Variants in DPY19L3 observed in about 807,000 individuals in gnomAD.
The protein encoded by DPY19L3 is protein C-mannosyl-transferase DPY19L3.
In DPY19L3, 51 loss-of-function variants were observed where a neutral mutation model predicts 92.3. That is an observed-to-expected ratio of 0.55 (90% CI 0.44 to 0.70). DPY19L3 has a LOEUF of 0.70. Ranked by LOEUF, DPY19L3 falls within the 30% of genes least tolerant of loss-of-function variation. DPY19L3 has a pLI of 0.00. For synonymous variants in DPY19L3, 309 were observed against 315.2 expected, an observed-to-expected ratio of 0.98 and a Z score of 0.21; for missense variants, 706 against 855.9, an observed-to-expected ratio of 0.82 and a Z score of 2.18.
chr19:32,430,534 TAAA>T (rs954472342), intron 3 of DPY19L3, among the ~76,000 whole-genome samples: 3 of 152,130 alleles, frequency 2.0e-5, no homozygotes, highest in African/African-American at 7.2e-5. Context: ...CAAACAATGA[TAAA>T]AAGATTTAGA....
At position 32,463,945 on chromosome 19, in the gene DPY19L3, C is replaced by A; in HGVS notation, c.1522C>A (p.Leu508Ile). The part of the protein sequence containing the change: ...GLCSPEIWEL[L>I]LKSVHLYNPK... ...ATGTAGCCCTGAAATATGGGAGTTA[C>A]TTCTGAAGTCAGTCCATCTTTATAA... The change falls in exon 14 of 19, where the codon CTT becomes ATT. Residue 508 changes from leucine (L) to isoleucine (I), a missense_variant. Coordinates refer to ENST00000392250, the MANE Select transcript of DPY19L3 (RefSeq NM_001172774.2). 6.2e-7 allele frequency: 1 copy of A among 1,613,202 alleles called. No individual in the cohort carries two copies. The highest frequency in any genetic ancestry group is 8.5e-7 in the Non-Finnish European group (1 of 1,179,372).
chr19:32,420,094 A>G (rs1968518427), intron 3 of DPY19L3, among the ~76,000 whole-genome samples: 1 of 151,462 alleles, frequency 6.6e-6, no homozygotes, highest in South Asian at 2.1e-4. Flanking sequence ...TCTTGACCTC[A>G]TGATCCGCCC....
intron 3 of DPY19L3, among the ~76,000 whole-genome samples, chr19:32,423,364 T>A (rs1381532112): frequency 6.6e-6 from 1 of 150,604 alleles, no homozygotes; most frequent in Non-Finnish European, 1.5e-5. Flanking sequence ...GCCTCCCCAG[T>A]ACTTGGGATT....
Position 32,411,224 on chromosome 19 carries a change from C to T in DPY19L3, c.104-15C>T, listed in dbSNP as rs776205562. ...TTACTGACTTAGTTATTTATCTGTT[C>T]CATTTTTCCAAAAGGTTGTACCAGT... On this transcript the variant is annotated splice_polypyrimidine_tract_variant and intron_variant, in intron 2 of 18. Coordinates refer to ENST00000392250, the MANE Select transcript of DPY19L3 (RefSeq NM_001172774.2). 4 of 1,599,910 alleles carry T rather than the reference C, an allele frequency of 2.5e-6. No individual in the cohort carries two copies. The African/African-American group carries it at 4.1e-5, about 16-fold the overall frequency.
At chr19:32,414,886 T>C (rs1471436317) in intron 3 of DPY19L3, among the ~76,000 whole-genome samples, 2 of 152,232 alleles carry the variant, frequency 1.3e-5, no homozygotes, top group Non-Finnish European at 2.9e-5. Context: ...TTTTTCTCTC[T>C]TTACTTTCAC....
chr19:32,430,416 G>A (rs756487644), intron 3 of DPY19L3, among the ~76,000 whole-genome samples: 5 of 151,926 alleles, frequency 3.3e-5, no homozygotes, highest in Non-Finnish European at 7.4e-5. Context: ...AACCTGATGG[G>A]CCTTTTTTTA....
intron 17 of DPY19L3, among the ~76,000 whole-genome samples, chr19:32,477,959 A>T (rs1970561485): frequency 6.6e-6 from 1 of 152,140 alleles, no homozygotes; most frequent in African/African-American, 2.4e-5. Context: ...TTGTGCAGGG[A>T]AACTCCCCCT....
chr19:32,477,570 G>T lies in DPY19L3; in HGVS notation c.1746G>T (p.Leu582=), dbSNP rs1258542799. The stretch of plus-strand genomic sequence containing the variant: ...TGTTTGCGGGAAGCATGCAGTTGCT[G>T]GCCGGAGTCAAGCTGTGCACGGGAA... The part of the protein sequence containing the change: ...KAVFAGSMQL[L]AGVKLCTGRT... Residue 582 remains leucine (L), a synonymous_variant, in exon 17 of 19, where the codon CTG becomes CTT. Coordinates refer to ENST00000392250, the MANE Select transcript of DPY19L3 (RefSeq NM_001172774.2). 8 of 1,614,032 alleles carry T rather than the reference G, an allele frequency of 5.0e-6. No homozygotes were observed. Among genetic ancestry groups the T allele is most frequent in the Non-Finnish European group, 6.8e-6 (8 of 1,180,036 alleles).
rs1448849892 is a variant in DPY19L3 at position 32,437,087 on chromosome 19, A to C, written c.451-107A>C. Reference sequence around the variant, plus strand: ...AAGGGGTGTGGGCTTGCTGCTTGGAATTAGAGGCAAGCTCCTGCATATTGT... The same window carrying C: ...AAGGGGTGTGGGCTTGCTGCTTGGACTTAGAGGCAAGCTCCTGCATATTGT... On this transcript the variant is annotated intron_variant, in intron 5 of 18. Coordinates refer to ENST00000392250, the MANE Select transcript of DPY19L3 (RefSeq NM_001172774.2). 9.5e-6 allele frequency: 13 copies of C among 1,362,866 alleles called. No individual in the cohort carries two copies. The East Asian group carries it at 1.9e-4, about 20-fold the overall frequency. The allele number at this position is 1,362,866 out of a possible 1,614,324, so 84.4% of individuals were successfully genotyped here.
rs1970202172 is a variant in DPY19L3, at chr19:32,466,420, G to A, written c.1614+1636G>A. ...GCGGTCACAGGGTTTCTCAGCAGTG[G>A]CACATTGACACTTGGGCCAGAGAAT... is the stretch of plus-strand genomic sequence containing the variant. On this transcript the variant is annotated intron_variant, in intron 15 of 18. Transcript: ENST00000392250. Among the ~76,000 whole-genome samples, 8 of 152,324 alleles carry A rather than the reference G, an allele frequency of 5.3e-5. No individual in the cohort carries two copies. In the South Asian group the frequency reaches 1.7e-3, roughly 32 times the overall value.
At chr19:32,410,165 TC>T (rs1207406172) in intron 2 of DPY19L3, among the ~76,000 whole-genome samples, 1 of 152,230 alleles carries the variant, frequency 6.6e-6, no homozygotes, top group East Asian at 1.9e-4. Flanking sequence ...GATTTGCATT[TC>T]TTTAACATTA....
chr19:32,407,039 T>C (rs1967984154), intron 1 of DPY19L3, among the ~76,000 whole-genome samples: 1 of 150,224 alleles, frequency 6.7e-6, no homozygotes. Flanking sequence ...AATACATGAA[T>C]TGTATAATGT....
chr19:32,477,839 G>C (rs1970558235), intron 17 of DPY19L3, among the ~76,000 whole-genome samples, 185 bp downstream of exon 17: 1 of 152,172 alleles, frequency 6.6e-6, no homozygotes, highest in African/African-American at 2.4e-5. Context: ...AAGAAAGAGA[G>C]GTTTAATTGA....
chr19:32,458,572 A>C (rs1186280829), intron 12 of DPY19L3, 63 bp downstream of exon 12: 1 of 1,528,042 alleles, frequency 6.5e-7, no homozygotes. Context: ...TTGCAGAAAA[A>C]TTGCAAAGTT....
intron 12 of DPY19L3, 32 bp from the exon 13 acceptor site, chr19:32,463,334 G>A: frequency 6.2e-7 from 1 of 1,610,986 alleles, no homozygotes; most frequent in Non-Finnish European, 8.5e-7. Context: ...TATGTTTCCA[G>A]CTTAAATTTT....
chr19:32,444,920 AAATAAT>A lies in DPY19L3; in HGVS notation c.855+5022_855+5027del, dbSNP rs375883168. On this transcript the variant is annotated intron_variant, in intron 8 of 18. Transcript: ENST00000392250. ...CAACATGATGCAACCCCATCTCTAT[AAATAAT>A]AATAATAATAAAATGATTAGCCAGG... Among the ~76,000 whole-genome samples, 22 of 151,346 alleles carry A rather than the reference AAATAAT, an allele frequency of 1.5e-4. No individual in the cohort carries two copies. The South Asian group carries it at 2.9e-3, about 20-fold the overall frequency.
At chr19:32,428,795 G>C (rs1968856281) in intron 3 of DPY19L3, among the ~76,000 whole-genome samples, 1 of 148,822 alleles carries the variant, frequency 6.7e-6, no homozygotes, top group South Asian at 2.1e-4. Context: ...TATATACACT[G>C]TTACTTCAAT....
At chr19:32,425,533 A>G (rs368322096) in intron 3 of DPY19L3, among the ~76,000 whole-genome samples, 1 of 152,028 alleles carries the variant, frequency 6.6e-6, no homozygotes, top group Non-Finnish European at 1.5e-5. Flanking sequence ...CGTGGGTAAC[A>G]GAGCGAGACT....
chr19:32,419,954 G>C (rs1968511987), intron 3 of DPY19L3, among the ~76,000 whole-genome samples: 1 of 147,982 alleles, frequency 6.8e-6, no homozygotes. Context: ...CCGCATCCCA[G>C]ATTCACACGG....
Sources: allele counts gnomAD v4.1 joint callset (sites outside exome capture counted in the v4.1 genomes callset), GRCh38; gene constraint gnomAD v4.1.1; transcripts MANE v1.5; gene names NCBI Gene and HGNC (gene_info 2026-07-23, HGNC 2026-07-21).